Variants in KLF12 observed in about 807,000 individuals in gnomAD.
KLF12 encodes the protein KLF transcription factor 12.
In KLF12, 9 loss-of-function variants were observed where a neutral mutation model predicts 37.8. That is an observed-to-expected ratio of 0.24 (90% CI 0.14 to 0.42). KLF12 has a LOEUF of 0.42. Ranked by LOEUF, KLF12 falls within the 10% of genes least tolerant of loss-of-function variation. The pLI is 1.00. For missense variants in KLF12, 411 were observed against 516.0 expected (o/e 0.80, Z 1.97); for synonymous variants, 208 against 202.1 (o/e 1.03, Z -0.25).
chr13:73,999,068 A>G (rs193117712), intron 1 of KLF12, among the ~76,000 whole-genome samples: 22 of 152,332 alleles, frequency 1.4e-4, no homozygotes, highest in African/African-American at 5.1e-4. Context: ...TTAACACAGG[A>G]CACAGTTAGC....
intron 5 of KLF12, among the ~76,000 whole-genome samples, chr13:73,767,252 G>C (rs577607081): frequency 1.3e-5 from 2 of 152,124 alleles, no homozygotes; most frequent in South Asian, 4.1e-4. Context: ...ACATATAGAA[G>C]CCAGGCAGGT....
chr13:73,843,118 T>C (rs1443180810), intron 4 of KLF12, among the ~76,000 whole-genome samples: 1 of 152,206 alleles, frequency 6.6e-6, no homozygotes, highest in East Asian at 1.9e-4. Context: ...TGAGAAGCAG[T>C]TCCATACCAA....
At chr13:74,274,080 G>T in the KLF12 span, among the ~76,000 whole-genome samples, 3 of 152,090 alleles carry the variant, frequency 2.0e-5, no homozygotes, top group African/African-American at 4.8e-5. Flanking sequence ...AATCTATTCT[G>T]CAGGAAAATC....
chr13:74,031,618 G>A (rs1226624062), intron 1 of KLF12, among the ~76,000 whole-genome samples: 3 of 151,988 alleles, frequency 2.0e-5, no homozygotes, highest in South Asian at 2.1e-4. Flanking sequence ...TATATGTACC[G>A]TTAACATACC....
At chr13:73,977,961 C>T (rs960645733) in intron 2 of KLF12, among the ~76,000 whole-genome samples, 6 of 152,156 alleles carry the variant, frequency 3.9e-5, no homozygotes, top group African/African-American at 7.2e-5. Flanking sequence ...CCCTTTTATA[C>T]AAATTAACTC....
chr13:74,241,528 C>T, the KLF12 span, among the ~76,000 whole-genome samples: 82 of 152,288 alleles, frequency 5.4e-4, no homozygotes, highest in Non-Finnish European at 7.9e-4. Flanking sequence ...CAATGGCGGG[C>T]GCCCCTCCCC....
chr13:73,769,869 G>A (rs1443582588), intron 5 of KLF12, among the ~76,000 whole-genome samples: 1 of 151,852 alleles, frequency 6.6e-6, no homozygotes, highest in Non-Finnish European at 1.5e-5. Flanking sequence ...GAGAATAAAT[G>A]ATTATTCCAC....
At chr13:73,793,668 TC>T (rs1881812175) in intron 5 of KLF12, among the ~76,000 whole-genome samples, 1 of 151,856 alleles carries the variant, frequency 6.6e-6, no homozygotes, top group Non-Finnish European at 1.5e-5. Context: ...CTCTTATAAA[TC>T]CTATTATATT....
chr13:74,208,198 G>A, the KLF12 span, among the ~76,000 whole-genome samples: 1 of 152,206 alleles, frequency 6.6e-6, no homozygotes, highest in African/African-American at 2.4e-5. Flanking sequence ...AACCTGCAAA[G>A]TTCAGCTATT....
At chr13:73,757,414 C>A (rs1468010209) in intron 6 of KLF12, among the ~76,000 whole-genome samples, 1 of 152,172 alleles carries the variant, frequency 6.6e-6, no homozygotes, top group Admixed American at 6.5e-5. Flanking sequence ...TTAGGCAAAT[C>A]TTGTACTATG....
the KLF12 span, among the ~76,000 whole-genome samples, chr13:74,236,093 C>T: frequency 1.6e-3 from 234 of 148,548 alleles, no homozygotes; most frequent in African/African-American, 5.5e-3. Flanking sequence ...TGTCCCTCCC[C>T]GCTCCCCCAA....
chr13:74,025,958 A>C (rs1892966012), intron 1 of KLF12, among the ~76,000 whole-genome samples: 1 of 152,172 alleles, frequency 6.6e-6, no homozygotes, highest in Non-Finnish European at 1.5e-5. Context: ...CAATTAAATA[A>C]TTTGGATTTG....
At chr13:73,706,080 AGG>A (rs1395673767) in intron 7 of KLF12, among the ~76,000 whole-genome samples, 1 of 152,178 alleles carries the variant, frequency 6.6e-6, no homozygotes, top group Non-Finnish European at 1.5e-5. Context: ...TGAACCTGGG[AGG>A]CAGAGGTTGC....
At chr13:73,786,997 C>T (rs927165947) in intron 5 of KLF12, among the ~76,000 whole-genome samples, 2 of 152,112 alleles carry the variant, frequency 1.3e-5, no homozygotes, top group African/African-American at 2.4e-5. Context: ...CCTCCTGGAC[C>T]ACCTCAGGCA....
chr13:73,755,748 A>AC (rs751478236), intron 6 of KLF12, among the ~76,000 whole-genome samples: 10 of 146,560 alleles, frequency 6.8e-5, no homozygotes, highest in Admixed American at 1.4e-4. Flanking sequence ...TACCCTCACC[A>AC]CCCCCCCAAC....
chr13:73,970,379 T>C (rs774101079), intron 2 of KLF12, among the ~76,000 whole-genome samples: 9 of 151,408 alleles, frequency 5.9e-5, no homozygotes. Flanking sequence ...TTAATCACAA[T>C]ATGTCTTAGT....
the KLF12 span, among the ~76,000 whole-genome samples, chr13:74,230,308 G>A: frequency 1.3e-5 from 2 of 152,170 alleles, no homozygotes; most frequent in Non-Finnish European, 2.9e-5. Context: ...GGCCTCCCCA[G>A]CCCTGCAGAA....
chr13:73,756,768 G>C (rs960171069), intron 6 of KLF12, among the ~76,000 whole-genome samples: 10 of 152,046 alleles, frequency 6.6e-5, no homozygotes, highest in African/African-American at 2.4e-4. Flanking sequence ...ACCTAACCCA[G>C]GACCAATCAT....
chr13:73,993,585 T>C (rs2138261299), intron 2 of KLF12, among the ~76,000 whole-genome samples: 1 of 152,270 alleles, frequency 6.6e-6, no homozygotes, highest in East Asian at 1.9e-4. Context: ...ATAAATACAT[T>C]TTGCATGATA....
Sources: gnomAD v4.1 joint callset for allele counts (sites outside exome capture counted in the v4.1 genomes callset) on GRCh38, gnomAD v4.1.1 for gene constraint, MANE v1.5 for transcripts, NCBI Gene and HGNC (gene_info 2026-07-23, HGNC 2026-07-21) for gene names.